The following ADGRG3 variants were observed in gnomAD, a reference collection of about 807,000 sequenced individuals.
ADGRG3 encodes the protein adhesion G protein-coupled receptor G3, also known as G protein-coupled receptor 97.
ADGRG3 carries 39 observed loss-of-function variants against 54.3 expected under a neutral mutation model. The ratio of observed to expected loss-of-function variants is 0.72; its 90% confidence interval spans 0.56 to 0.94. The LOEUF is 0.94. Ranked by LOEUF, ADGRG3 falls within the 40% of genes least tolerant of loss-of-function variation. The pLI is 0.00. For missense variants in ADGRG3, 654 were observed against 694.6 expected (o/e 0.94, Z 0.66); for synonymous variants, 312 against 290.0 (o/e 1.08, Z -0.77).
At chr16:57,667,838 C>G (rs2048083427), upstream of ADGRG3, among the ~76,000 whole-genome samples, 1 of 152,250 alleles carries the variant, frequency 6.6e-6, no homozygotes, top group African/African-American at 2.4e-5. Flanking sequence ...GAGCCAGGCT[C>G]TGTGCCCAGC....
At chr16:57,682,339 C>A in intron 8 of ADGRG3, 1 of 281,114 alleles carries the variant, frequency 3.6e-6, no homozygotes, top group Non-Finnish European at 5.4e-6. Flanking sequence ...GGTCTCCTGC[C>A]CCCGCATCCA....
chr16:57,678,502 C>T, intron 4 of ADGRG3, 186 bp downstream of exon 4: 1 of 606,514 alleles, frequency 1.6e-6, no homozygotes, highest in Admixed American at 2.9e-5. Context: ...GGTCTTCAGA[C>T]TCACACTGGT....
At chr16:57,683,191 A>G (rs1348980455) in intron 8 of ADGRG3, among the ~76,000 whole-genome samples, 1 of 152,196 alleles carries the variant, frequency 6.6e-6, no homozygotes, top group Non-Finnish European at 1.5e-5. Flanking sequence ...TCACCTTGGT[A>G]TAGTTTGGGT....
rs115509578 is a variant in ADGRG3 at position 57,672,865 on chromosome 16, T to A, written c.59-456T>A. ...CACGCCCTGCCAATACATCATTTTT[T>A]AAATTTACACAAATAAGATAGTGTG... On this transcript the variant is annotated intron_variant, in intron 1 of 11. Coordinates refer to ENST00000333493, the MANE Select transcript of ADGRG3 (RefSeq NM_170776.5). Among the ~76,000 whole-genome samples the A allele has an allele frequency of 4.2e-3, 641 of 152,298 alleles. 7 individuals are homozygous for A. The highest frequency in any genetic ancestry group is 0.014 in the African/African-American group (602 of 41,554).
chr16:57,683,857 G>A (rs2048420930), intron 8 of ADGRG3, 75 bp from the exon 9 acceptor site: 3 of 1,258,452 alleles, frequency 2.4e-6, no homozygotes, highest in Non-Finnish European at 3.3e-6. Context: ...CTATTGGGGT[G>A]GACAGGCTTG....
rs756850034 is a variant in ADGRG3 at position 57,668,406 on chromosome 16, G to T, written c.58+1G>T. On this transcript the variant is annotated splice_donor_variant, in intron 1 of 11. Coordinates refer to ENST00000333493, the MANE Select transcript of ADGRG3 (RefSeq NM_170776.5). LOFTEE classifies it high-confidence loss of function. ...CTGCTCCTCCTGCTCCCGACCTCAG[G>T]TGAGTGGCTGGCACCTCATCCCCTC... is the stretch of plus-strand genomic sequence containing the variant. The T allele has an allele frequency of 7.0e-6, 11 of 1,568,764 alleles. No individual in the cohort carries two copies. The South Asian group carries it at 9.3e-5, about 13-fold the overall frequency.
chr16:57,685,847 T>TGTGA lies in ADGRG3; in HGVS notation c.1462_1465dup (p.Thr489SerfsTer79), dbSNP rs1213205061. 50 of 1,614,044 alleles carry TGTGA rather than the reference T, an allele frequency of 3.1e-5. No individual in the cohort carries two copies. Among genetic ancestry groups the TGTGA allele is most frequent in the Non-Finnish European group, 4.2e-5 (50 of 1,180,016 alleles). On this transcript the variant is annotated frameshift_variant, in exon 11 of 12. Coordinates refer to ENST00000333493, the MANE Select transcript of ADGRG3 (RefSeq NM_170776.5). LOFTEE classifies it high-confidence loss of function. ...TGCTGGGCCTCTCGAGCCTGGTGGGTGTGACATGGGGGTTGGCCATCTTCA... is the reference window on the plus strand; with the variant it reads ...TGCTGGGCCTCTCGAGCCTGGTGGGTGTGAGTGACATGGGGGTTGGCCATCTTCA...
intron 8 of ADGRG3, among the ~76,000 whole-genome samples, chr16:57,680,889 T>C (rs953998513): frequency 6.6e-6 from 1 of 152,140 alleles, no homozygotes; most frequent in Non-Finnish European, 1.5e-5. Flanking sequence ...TTCATGTAAT[T>C]GAAAAACCCA....
At chr16:57,680,741 C>T (rs1205064178) in intron 8 of ADGRG3, 124 bp downstream of exon 8, 1 of 675,446 alleles carries the variant, frequency 1.5e-6, no homozygotes, top group Non-Finnish European at 2.7e-6. Flanking sequence ...TTAGTGTCCT[C>T]ATCCCAAAAT....
At chr16:57,688,217 G>A (rs1216476819) in intron 11 of ADGRG3, 135 bp from the exon 12 acceptor site, 8 of 669,252 alleles carry the variant, frequency 1.2e-5, no homozygotes, top group African/African-American at 3.6e-5. Context: ...TTGTGAAATG[G>A]TTGCATTTTT....
At chr16:57,680,066 C>T (rs1319960776) in intron 6 of ADGRG3, among the ~76,000 whole-genome samples, 199 bp from the exon 7 acceptor site, 1 of 105,824 alleles carries the variant, frequency 9.4e-6, no homozygotes, top group Non-Finnish European at 2.0e-5. Context: ...CCTATATTCC[C>T]TTCCCCTCTG....
intron 1 of ADGRG3, among the ~76,000 whole-genome samples, chr16:57,669,207 CGGTGA>C (rs1298252126): frequency 6.6e-6 from 1 of 152,236 alleles, no homozygotes; most frequent in African/African-American, 2.4e-5. Context: ...GCTCCTGACT[CGGTGA>C]GGGGCCTGCA....
At chr16:57,687,531 C>T (rs776589507) in intron 11 of ADGRG3, among the ~76,000 whole-genome samples, 20 of 152,012 alleles carry the variant, frequency 1.3e-4, no homozygotes, top group African/African-American at 3.4e-4. Context: ...GGATTACAGG[C>T]GTGAGCCACT....
At chr16:57,675,177 A>T (rs1359325105) in intron 2 of ADGRG3, among the ~76,000 whole-genome samples, 1 of 152,018 alleles carries the variant, frequency 6.6e-6, no homozygotes, top group African/African-American at 2.4e-5. Context: ...CATCCATAAA[A>T]AGAAATAAAA....
At chr16:57,678,352 G>T (rs761158043) in intron 4 of ADGRG3, 36 bp downstream of exon 4, 1 of 1,604,754 alleles carries the variant, frequency 6.2e-7, no homozygotes, top group Admixed American at 1.7e-5. Flanking sequence ...TTAAGTGCTA[G>T]GTCCTCTGGG....
At chr16:57,681,571 CAA>C (rs1400139386) in intron 8 of ADGRG3, among the ~76,000 whole-genome samples, 1 of 151,698 alleles carries the variant, frequency 6.6e-6, no homozygotes, top group Non-Finnish European at 1.5e-5. Context: ...AAATACAAAA[CAA>C]AAGTTAGCTG....
chr16:57,678,482 TA>T, intron 4 of ADGRG3, 166 bp downstream of exon 4: 1 of 637,194 alleles, frequency 1.6e-6, no homozygotes. Context: ...CACCTGTCAC[TA>T]GAGTCTATGG....
chr16:57,674,408 C>A (rs2048219777), intron 2 of ADGRG3, among the ~76,000 whole-genome samples: 1 of 152,170 alleles, frequency 6.6e-6, no homozygotes, highest in African/African-American at 2.4e-5. Flanking sequence ...CACTCCTAAT[C>A]AAAGTTGCCC....
chr16:57,666,282 T>C (rs1287267799), upstream of ADGRG3, among the ~76,000 whole-genome samples: 1 of 152,190 alleles, frequency 6.6e-6, no homozygotes, highest in African/African-American at 2.4e-5. Flanking sequence ...TCAAACATTT[T>C]GTTTCTGCAT....
Sources: allele counts gnomAD v4.1 joint callset (sites outside exome capture counted in the v4.1 genomes callset), GRCh38; gene constraint gnomAD v4.1.1; transcripts MANE v1.5; gene names NCBI Gene and HGNC (gene_info 2026-07-23, HGNC 2026-07-21).